The following NKAIN3 variants were observed in gnomAD, a reference collection of about 807,000 sequenced individuals.
NKAIN3 encodes sodium/potassium transporting ATPase interacting 3.
Under a neutral mutation model 30.2 loss-of-function variants are expected in NKAIN3, and 25 were observed. The ratio of observed to expected loss-of-function variants is 0.83; its 90% CI spans 0.60 to 1.16. The LOEUF (loss-of-function observed/expected upper bound fraction) is 1.16. Ranked by LOEUF, NKAIN3 falls within the 50% of genes most tolerant of loss-of-function variation. NKAIN3 has a pLI of 0.00. For synonymous variants in NKAIN3, 91 were observed against 89.6 expected, an observed-to-expected ratio of 1.02 and a Z score of -0.09; for missense variants, 225 against 254.1, an observed-to-expected ratio of 0.89 and a Z score of 0.78.
intron 1 of NKAIN3, among the ~76,000 whole-genome samples, chr8:62,507,125 T>A (rs1209650837): frequency 1.3e-5 from 2 of 152,202 alleles, no homozygotes; most frequent in Non-Finnish European, 2.9e-5. Flanking sequence ...TCCCTTTGTT[T>A]TCCAAAGTGT....
In NKAIN3 at chr8:62,356,803, G is replaced by T. The variant is rs567475143; in HGVS notation, c.54+107676G>T. On this transcript the variant is annotated intron_variant, in intron 1 of 6. Transcript: ENST00000623646. ...ATTCAGTAATTCCAAGTTCTATAAA[G>T]AAATCTCCTCTTAATAAGTAATTCC... is the stretch of plus-strand genomic sequence containing the variant. 2.0e-5 allele frequency among the ~76,000 whole-genome samples: 3 copies of T among 152,198 alleles called. No homozygotes were observed. In the South Asian group the frequency reaches 6.2e-4, roughly 32 times the overall value.
rs116278854 is a variant in NKAIN3 at position 62,421,620 on chromosome 8, T to C, written c.55-157919T>C. 2.1e-3 allele frequency among the ~76,000 whole-genome samples: 306 copies of C among 148,276 alleles called. 1 individual carries two copies. The highest frequency in any genetic ancestry group is 7.2e-3 in the African/African-American group (288 of 40,158). Reference sequence around the variant, plus strand: ...GCAATTGGAGTCTCTCTCTCTCTCTTTCTCTCTCTCTCTCTCTCTGTATAC... The same window carrying C: ...GCAATTGGAGTCTCTCTCTCTCTCTCTCTCTCTCTCTCTCTCTCTGTATAC... On this transcript the variant is annotated intron_variant, in intron 1 of 6. Transcript: ENST00000623646.
chr8:62,448,753 TAA>T (rs1216635090), intron 1 of NKAIN3, among the ~76,000 whole-genome samples: 1 of 151,952 alleles, frequency 6.6e-6, no homozygotes, highest in Admixed American at 6.6e-5. Context: ...GAGCTTTTTG[TAA>T]AGAGTCATTG....
intron 5 of NKAIN3, among the ~76,000 whole-genome samples, chr8:62,928,851 G>A (rs1822528613): frequency 6.6e-6 from 1 of 152,198 alleles, no homozygotes. Flanking sequence ...TGAGGCATAA[G>A]GCACTGAGGA....
intron 1 of NKAIN3, among the ~76,000 whole-genome samples, chr8:62,474,506 C>T (rs920011499): frequency 6.6e-6 from 1 of 152,066 alleles, no homozygotes; most frequent in African/African-American, 2.4e-5. Context: ...GGCAAACGTA[C>T]AAAGACCACA....
At chr8:62,486,375 G>A (rs1563420785) in intron 1 of NKAIN3, among the ~76,000 whole-genome samples, 1 of 152,028 alleles carries the variant, frequency 6.6e-6, no homozygotes, top group African/African-American at 2.4e-5. Flanking sequence ...TTTATTGCAT[G>A]CTTAGCTCAG....
chr8:62,575,778 T>C (rs544118349), intron 1 of NKAIN3, among the ~76,000 whole-genome samples: 1 of 152,194 alleles, frequency 6.6e-6, no homozygotes, highest in East Asian at 1.9e-4. Context: ...CATAGATTAA[T>C]GGAACAGCAT....
rs372129519 is a variant in NKAIN3 at position 62,562,944 on chromosome 8, T to G, written c.55-16595T>G. Among the ~76,000 whole-genome samples the G allele has an allele frequency of 7.2e-5, 11 of 152,234 alleles. No individual in the cohort carries two copies. The East Asian group carries it at 1.6e-3, about 22-fold the overall frequency. On this transcript the variant is annotated intron_variant, in intron 1 of 6. Coordinates refer to ENST00000623646, the MANE Select transcript of NKAIN3 (RefSeq NM_001304533.3). ...GCCCGTAACCCTGTCTCCTGTCGTCTCATGCTGGGTTGCCATTTACGTAAA... is the reference window on the plus strand; with the variant it reads ...GCCCGTAACCCTGTCTCCTGTCGTCGCATGCTGGGTTGCCATTTACGTAAA...
At chr8:62,485,573 T>G (rs1238484426) in intron 1 of NKAIN3, among the ~76,000 whole-genome samples, 1 of 152,188 alleles carries the variant, frequency 6.6e-6, no homozygotes, top group African/African-American at 2.4e-5. Context: ...CCAAGAAGTT[T>G]GGACTTTATT....
intron 3 of NKAIN3, among the ~76,000 whole-genome samples, chr8:62,746,659 A>G (rs191108752): frequency 2.2e-4 from 34 of 152,352 alleles, no homozygotes; most frequent in Non-Finnish European, 3.8e-4. Context: ...ATAAATGTAT[A>G]TGGAAGATCT....
At chr8:62,960,894 A>G (rs1168893832) in intron 6 of NKAIN3, among the ~76,000 whole-genome samples, 1 of 151,946 alleles carries the variant, frequency 6.6e-6, no homozygotes, top group East Asian at 1.9e-4. Flanking sequence ...AGAGAGAGAG[A>G]AAAAGAGAAA....
chr8:62,699,143 C>A (rs1347174352), intron 3 of NKAIN3, among the ~76,000 whole-genome samples: 1 of 152,148 alleles, frequency 6.6e-6, no homozygotes, highest in Non-Finnish European at 1.5e-5. Context: ...ATTCTAAAAT[C>A]TCTTTCAAGA....
At chr8:62,454,600 C>T (rs1050217879) in intron 1 of NKAIN3, among the ~76,000 whole-genome samples, 1 of 151,584 alleles carries the variant, frequency 6.6e-6, no homozygotes, top group Non-Finnish European at 1.5e-5. Flanking sequence ...TAAAACACTT[C>T]CACTTTCTCA....
At chr8:62,757,525 C>T (rs542284834) in intron 4 of NKAIN3, among the ~76,000 whole-genome samples, 1 of 152,250 alleles carries the variant, frequency 6.6e-6, no homozygotes, top group Non-Finnish European at 1.5e-5. Context: ...CTGTACCTTC[C>T]AGCCGGCCGT....
In NKAIN3 at chr8:62,966,410, C is replaced by T. The variant is rs1017852964; in HGVS notation, c.*1003C>T. On this transcript the variant is annotated 3_prime_UTR_variant, in exon 7 of 7. Transcript: ENST00000623646. Reference sequence around the variant, plus strand: ...GTGGAAAAAAGGACTGTCTTGAAAACGCATCACAGTTGTATTTTTTTAACT... The same window carrying T: ...GTGGAAAAAAGGACTGTCTTGAAAATGCATCACAGTTGTATTTTTTTAACT... The T allele has an allele frequency of 8.1e-6, 8 of 982,970 alleles. No homozygotes were observed. Among genetic ancestry groups the T allele is most frequent in the South Asian group, 4.7e-5 (1 of 21,224 alleles). 60.9% of individuals were successfully genotyped at this position (982,970 alleles called of 1,614,324 possible).
intron 1 of NKAIN3, among the ~76,000 whole-genome samples, chr8:62,520,412 T>C (rs1808119777): frequency 6.6e-6 from 1 of 152,110 alleles, no homozygotes; most frequent in Non-Finnish European, 1.5e-5. Flanking sequence ...TAACCCAAGG[T>C]ATTCCAAATA....
chr8:62,321,211 G>C (rs1814885795), intron 1 of NKAIN3, among the ~76,000 whole-genome samples: 1 of 152,090 alleles, frequency 6.6e-6, no homozygotes, highest in Non-Finnish European at 1.5e-5. Flanking sequence ...TCTCTGCATT[G>C]GTTATTCTAG....
At chr8:62,250,287 T>G (rs1010709215) in intron 1 of NKAIN3, among the ~76,000 whole-genome samples, 2 of 152,180 alleles carry the variant, frequency 1.3e-5, no homozygotes, top group Non-Finnish European at 2.9e-5. Context: ...CATGAAAACC[T>G]CACTTTGGAT....
intron 1 of NKAIN3, among the ~76,000 whole-genome samples, chr8:62,574,395 G>A (rs192568718): frequency 2.1e-4 from 32 of 152,170 alleles, no homozygotes; most frequent in Non-Finnish European, 1.5e-5. Flanking sequence ...TTTCTTTTGG[G>A]TATAAACCTA....
Sources: allele counts gnomAD v4.1 joint callset (sites outside exome capture counted in the v4.1 genomes callset), GRCh38; gene constraint gnomAD v4.1.1; transcripts MANE v1.5; gene names NCBI Gene and HGNC (gene_info 2026-07-23, HGNC 2026-07-21).